Variants in LSS observed in about 807,000 individuals in gnomAD.
LSS encodes lanosterol synthase, also known as 2,3-epoxysqualene-lanosterol cyclase.
LSS carries 90 observed loss-of-function variants against 110.3 expected under a neutral mutation model. The observed-to-expected ratio is 0.82, with a 90% CI of 0.69 to 0.97. The LOEUF (loss-of-function observed/expected upper bound fraction) is 0.97, where lower values mean the gene tolerates loss of function less well. Among genes scored for constraint, LSS ranks in the 50% least tolerant of loss-of-function variants. The probability of loss-of-function intolerance (pLI) is 0.00; values close to 1 mark genes in which losing one functional copy is unlikely to be tolerated. For missense variants in LSS, 927 were observed against 990.0 expected (o/e 0.94, Z 0.85); for synonymous variants, 433 against 400.0 (o/e 1.08, Z -0.98).
chr21:46,198,829 CAAAAAA>C (rs35148484), intron 17 of LSS, among the ~76,000 whole-genome samples: 31 of 73,452 alleles, frequency 4.2e-4, no homozygotes, highest in Non-Finnish European at 5.3e-4. Flanking sequence ...CATCCACATG[CAAAAAA>C]AAAAAAAAAA....
At chr21:46,224,286 C>T (rs2080311324) in intron 3 of LSS, among the ~76,000 whole-genome samples, 1 of 152,220 alleles carries the variant, frequency 6.6e-6, no homozygotes, top group African/African-American at 2.4e-5. Context: ...AGATGACTCA[C>T]ACTCTTTACC....
In LSS at chr21:46,222,694, C is replaced by T. The variant is rs959208818; in HGVS notation, c.364G>A (p.Gly122Arg). Residue 122 changes from glycine (G) to arginine (R), a missense_variant, in exon 4 of 22, where the codon GGA becomes AGA. By Grantham distance (125) the Gly-to-Arg change is moderately radical. Coordinates refer to ENST00000397728, the MANE Select transcript of LSS (RefSeq NM_002340.6). ...TACCGCACAATCTCTTCTCTGTATC[C>T]GGCTGGCAGAGGGATGCGTGCCACG... ...CHVARIPLPA[G>R]YREEIVRYLR... The T allele has an allele frequency of 9.9e-6, 16 of 1,613,944 alleles. No homozygotes were observed. Among genetic ancestry groups the T allele is most frequent in the South Asian group, 1.1e-5 (1 of 91,090 alleles).
At chr21:46,195,495 G>A (rs1398816217) in intron 19 of LSS, among the ~76,000 whole-genome samples, 181 bp downstream of exon 19, 2 of 152,238 alleles carry the variant, frequency 1.3e-5, no homozygotes, top group Admixed American at 6.5e-5. Flanking sequence ...CCACGAGTTT[G>A]AGACTGCAGT....
chr21:46,226,172 C>T (rs1033821343), intron 3 of LSS, among the ~76,000 whole-genome samples: 69 of 151,862 alleles, frequency 4.5e-4, no homozygotes, highest in African/African-American at 1.4e-3. Context: ...CTCCAACTCA[C>T]AGCCAGCCCA....
At chr21:46,219,302 T>C (rs372831108) in intron 6 of LSS, among the ~76,000 whole-genome samples, 174 bp downstream of exon 6, 1 of 152,096 alleles carries the variant, frequency 6.6e-6, no homozygotes, top group Admixed American at 6.5e-5. Flanking sequence ...CCCCTTTCTG[T>C]ACCCCTACAG....
chr21:46,207,469 C>G lies in LSS; in HGVS notation c.1426G>C (p.Glu476Gln), dbSNP rs762894322. 8.7e-6 allele frequency: 14 copies of G among 1,612,342 alleles called. No homozygotes were observed. The highest frequency in any genetic ancestry group is 1.2e-5 in the Non-Finnish European group (14 of 1,179,572). The change falls in exon 15 of 22, where the codon GAG (glutamate) becomes CAG (glutamine). Residue 476 changes from glutamate (E) to glutamine (Q), a missense_variant. Coordinates refer to ENST00000397728, the MANE Select transcript of LSS (RefSeq NM_002340.6). ...LLQEKCPHVT[E>Q]HIPRERLCDA... ...CAGAGCCGTTCTCTGGGGATGTGCT[C>G]GGTGACATGGGGACACTTCTCCTGC...
intron 12 of LSS, 111 bp downstream of exon 12, chr21:46,210,577 G>T: frequency 9.4e-7 from 1 of 1,066,982 alleles, no homozygotes; most frequent in Non-Finnish European, 1.4e-6. Flanking sequence ...GTCACTGGAA[G>T]TATCGAGGAG....
rs60322177 is a variant in LSS, at chr21:46,215,631, G to A, written c.892+54C>T. On this transcript the variant is annotated intron_variant, in intron 8 of 21. Coordinates refer to ENST00000397728, the MANE Select transcript of LSS (RefSeq NM_002340.6). Reference sequence around the variant, plus strand: ...GGGATGAGTGCGTGAATGAGTGGGCGACACCCTGACCCTGACCCTGGGCTG... The same window carrying A: ...GGGATGAGTGCGTGAATGAGTGGGCAACACCCTGACCCTGACCCTGGGCTG... 75,622 of 1,279,012 alleles carry A rather than the reference G, an allele frequency of 0.059. 4,908 individuals are homozygous for A. The highest frequency in any genetic ancestry group is 0.3 in the African/African-American group (20,649 of 67,718). 79.2% of individuals were successfully genotyped at this position (1,279,012 alleles called of 1,614,324 possible).
In LSS at chr21:46,190,077, G is replaced by A; in HGVS notation, c.*1027C>T. 7.7e-6 allele frequency: 2 copies of A among 259,410 alleles called. No homozygotes were observed. Among genetic ancestry groups the A allele is most frequent in the South Asian group, 7.3e-5 (2 of 27,294 alleles). The allele number at this position is 259,410 out of a possible 1,614,324, so 16.1% of individuals were successfully genotyped here. Reference sequence around the variant, plus strand: ...GGCATGAGACTGGCGGCAGCCGTAGGGGTGCCCTGGGTATATGCCGGGCTC... The same window carrying A: ...GGCATGAGACTGGCGGCAGCCGTAGAGGTGCCCTGGGTATATGCCGGGCTC... On this transcript the variant is annotated 3_prime_UTR_variant, in exon 22 of 22. Transcript: ENST00000397728. This position sits in a 1 kb window ranked among gnomAD's most constrained non-coding sequence, Gnocchi z 4.6.
intron 3 of LSS, 146 bp downstream of exon 3, chr21:46,227,406 C>G (rs2080354390): frequency 4.0e-6 from 4 of 988,642 alleles, no homozygotes; most frequent in Non-Finnish European, 5.9e-6. Flanking sequence ...CAGGACGACT[C>G]TGACATAGGG....
At chr21:46,213,967 G>A in intron 9 of LSS, 132 bp from the exon 10 acceptor site, 1 of 676,268 alleles carries the variant, frequency 1.5e-6, no homozygotes, top group South Asian at 1.6e-5. Flanking sequence ...CAGGACAGGG[G>A]CCTTCTGCTC....
At chr21:46,211,230 C>T (rs571455951) in intron 11 of LSS, among the ~76,000 whole-genome samples, 7 of 152,266 alleles carry the variant, frequency 4.6e-5, no homozygotes, top group African/African-American at 1.2e-4. Context: ...GGGTTCACGC[C>T]ATTCTCCTGC....
intron 20 of LSS, chr21:46,192,219 C>T (rs1370948047): frequency 1.8e-6 from 1 of 566,490 alleles, no homozygotes; most frequent in Non-Finnish European, 3.2e-6. Flanking sequence ...CCCTGGTGTT[C>T]CCCCCTGAAG....
In LSS at chr21:46,219,545, C is replaced by T; in HGVS notation, c.578G>A (p.Gly193Glu). 6.2e-7 allele frequency: 1 copy of T among 1,601,512 alleles called. No individual in the cohort carries two copies. Among genetic ancestry groups the T allele is most frequent in the Middle Eastern group, 1.7e-4 (1 of 6,032 alleles). The change falls in exon 6 of 22, where the codon GGG (glycine) becomes GAG (glutamate). Residue 193 changes from glycine (G) to glutamate (E), a missense_variant. Coordinates refer to ENST00000397728, the MANE Select transcript of LSS (RefSeq NM_002340.6). ...KGGAVAIPSWGKFWLAVLNVY... is the reference protein window; with the variant it reads ...KGGAVAIPSWEKFWLAVLNVY... ...ATTCAGGACAGCCAGCCAGAACTTC[C>T]CCCAGGAGGGGATGGCCACAGCACC...
chr21:46,213,518 C>CT (rs1468077389), intron 10 of LSS, among the ~76,000 whole-genome samples: 1 of 152,238 alleles, frequency 6.6e-6, no homozygotes, highest in South Asian at 2.1e-4. Flanking sequence ...CTTCCTCACT[C>CT]TACCTTCTGG....
intron 9 of LSS, among the ~76,000 whole-genome samples, chr21:46,214,469 C>T (rs1018155390): frequency 7.9e-5 from 12 of 152,226 alleles, no homozygotes; most frequent in Non-Finnish European, 1.6e-4. Context: ...TGGCATGAGG[C>T]CCAGAAAATC....
At chr21:46,214,914 A>T (rs1374612139) in intron 9 of LSS, among the ~76,000 whole-genome samples, 3 of 151,982 alleles carry the variant, frequency 2.0e-5, no homozygotes, top group African/African-American at 7.3e-5. Flanking sequence ...GGCCTCTAGG[A>T]GAGTGTCCAG....
At chr21:46,224,447 C>T (rs2080313313) in intron 3 of LSS, among the ~76,000 whole-genome samples, 1 of 152,140 alleles carries the variant, frequency 6.6e-6, no homozygotes, top group Non-Finnish European at 1.5e-5. Context: ...TCTCTCATCG[C>T]CGCACACAGG....
At chr21:46,202,146 G>C (rs867261526) in intron 17 of LSS, among the ~76,000 whole-genome samples, 6 of 137,030 alleles carry the variant, frequency 4.4e-5, no homozygotes, top group Non-Finnish European at 3.2e-5. Flanking sequence ...TGTAATCCCA[G>C]CACTTTGGGA....
Sources: allele counts gnomAD v4.1 joint callset (sites outside exome capture counted in the v4.1 genomes callset), GRCh38; gene constraint gnomAD v4.1.1; non-coding constraint Gnocchi (gnomAD v3.1); transcripts MANE v1.5; gene names NCBI Gene and HGNC (gene_info 2026-07-23, HGNC 2026-07-21).